PDE1A: variants seen among roughly 807,000 people sequenced by gnomAD.
PDE1A encodes phosphodiesterase 1A.
PDE1A carries 35 observed loss-of-function variants against 61.7 expected under a neutral mutation model. The observed-to-expected ratio is 0.57, with a 90% CI of 0.43 to 0.75. PDE1A has a LOEUF of 0.75. Among genes scored for constraint, PDE1A ranks in the 30% least tolerant of loss-of-function variants. The probability of loss-of-function intolerance (pLI) is 0.00; values close to 1 mark genes in which losing one functional copy is unlikely to be tolerated. For missense variants in PDE1A, 597 were observed against 630.6 expected, an observed-to-expected ratio of 0.95 and a Z score of 0.57; for synonymous variants, 232 against 213.2, an observed-to-expected ratio of 1.09 and a Z score of -0.77.
chr2:182,700,213 C>T, the PDE1A span, among the ~76,000 whole-genome samples: 2 of 152,144 alleles, frequency 1.3e-5, no homozygotes, highest in Non-Finnish European at 2.9e-5. Flanking sequence ...GAACATCTTA[C>T]TCTAGTGGCT....
rs560473237 is a variant in PDE1A, at chr2:182,380,678, G to A, written c.53+45900C>T. Among the ~76,000 whole-genome samples, 30 of 152,204 alleles carry A rather than the reference G, an allele frequency of 2.0e-4. No individual in the cohort carries two copies. The South Asian group carries it at 6.0e-3, about 30-fold the overall frequency. On this transcript the variant is annotated intron_variant, in intron 1 of 13. Transcript: ENST00000351439. Reference sequence around the variant, plus strand: ...AACTGTTTGTTTTCAATGAACATTTGTAGAATTTTTAATTGCGAAAATTAT... The same window carrying A: ...AACTGTTTGTTTTCAATGAACATTTATAGAATTTTTAATTGCGAAAATTAT...
chr2:182,599,881 G>A, the PDE1A span, among the ~76,000 whole-genome samples: 1 of 152,084 alleles, frequency 6.6e-6, no homozygotes, highest in Non-Finnish European at 1.5e-5. Flanking sequence ...ATAATTACAT[G>A]TACCAGATCT....
chr2:182,679,187 TA>T, the PDE1A span, among the ~76,000 whole-genome samples: 15 of 144,232 alleles, frequency 1.0e-4, no homozygotes, highest in East Asian at 1.4e-3. Context: ...TTATTATTAT[TA>T]TTATTTTTTT....
chr2:182,234,454 G>A (rs747745891), exon 4 of PDE1A: 2 of 1,606,800 alleles, frequency 1.2e-6, no homozygotes, highest in Non-Finnish European at 1.7e-6. Flanking sequence ...GATGACAGCT[G>A]CTGGATATGC....
chr2:182,521,968 G>T (rs1173220713), intron 2 of PDE1A, among the ~76,000 whole-genome samples: 1 of 151,952 alleles, frequency 6.6e-6, no homozygotes, highest in African/African-American at 2.4e-5. Context: ...CCCGGCAAAT[G>T]GCTTTCTTAG....
At chr2:182,594,873 T>A in the PDE1A span, among the ~76,000 whole-genome samples, 2 of 152,210 alleles carry the variant, frequency 1.3e-5, no homozygotes, top group African/African-American at 4.8e-5. Context: ...TGCTCCTTAT[T>A]AGTTTCTGGA....
At chr2:182,329,145 T>C (rs1478909194) in intron 1 of PDE1A, among the ~76,000 whole-genome samples, 2 of 152,168 alleles carry the variant, frequency 1.3e-5, no homozygotes, top group Non-Finnish European at 2.9e-5. Context: ...TGGCTGTCTT[T>C]ACCAGTAGGC....
chr2:182,253,136 TG>T (rs1691522897), intron 2 of PDE1A, among the ~76,000 whole-genome samples: 1 of 152,176 alleles, frequency 6.6e-6, no homozygotes, highest in African/African-American at 2.4e-5. Context: ...ATCAAACATT[TG>T]CATTAGGATT....
At chr2:182,619,515 G>T in the PDE1A span, among the ~76,000 whole-genome samples, 9 of 151,906 alleles carry the variant, frequency 5.9e-5, no homozygotes, top group Admixed American at 3.3e-4. Flanking sequence ...AGCCACTCAC[G>T]GAGTGAGTGC....
chr2:182,265,108 G>A (rs1333437492), intron 1 of PDE1A, among the ~76,000 whole-genome samples: 1 of 151,356 alleles, frequency 6.6e-6, no homozygotes, highest in Non-Finnish European at 1.5e-5. Context: ...ACTCACAGAG[G>A]AAGAGTGGGA....
At chr2:182,628,909 G>A in the PDE1A span, among the ~76,000 whole-genome samples, 1 of 152,168 alleles carries the variant, frequency 6.6e-6, no homozygotes. Flanking sequence ...TATGGCAAAA[G>A]TGATGGTATG....
At chr2:182,522,243 TG>T (rs1559539729) in intron 2 of PDE1A, 1 of 1,561,286 alleles carries the variant, frequency 6.4e-7, no homozygotes. Flanking sequence ...TCAAATCTTT[TG>T]GGGGGAAATA....
intron 13 of PDE1A, among the ~76,000 whole-genome samples, chr2:182,154,067 T>C (rs1469147854): frequency 6.6e-6 from 1 of 152,226 alleles, no homozygotes; most frequent in East Asian, 1.9e-4. Context: ...AAATAATCTG[T>C]AAAATGATGC....
chr2:182,674,819 T>C, the PDE1A span, among the ~76,000 whole-genome samples: 7 of 152,168 alleles, frequency 4.6e-5, no homozygotes, highest in African/African-American at 1.7e-4. Flanking sequence ...GTTTCAATTA[T>C]TTTATTAATG....
intron 7 of PDE1A, among the ~76,000 whole-genome samples, chr2:182,217,603 G>A (rs1217767007): frequency 1.4e-5 from 2 of 146,234 alleles, no homozygotes; most frequent in East Asian, 4.0e-4. Context: ...CAAAAAGTGG[G>A]CAAAGGACAT....
chr2:182,675,193 T>C, the PDE1A span, among the ~76,000 whole-genome samples: 1 of 152,194 alleles, frequency 6.6e-6, no homozygotes, highest in East Asian at 1.9e-4. Flanking sequence ...CACTTATAAG[T>C]GAGAACATGA....
At chr2:182,675,335 A>C in the PDE1A span, among the ~76,000 whole-genome samples, 1 of 152,064 alleles carries the variant, frequency 6.6e-6, no homozygotes, top group Non-Finnish European at 1.5e-5. Context: ...TATTTACCAC[A>C]TTTTCTTTAT....
At chr2:182,499,240 G>C (rs1474945126) in intron 2 of PDE1A, among the ~76,000 whole-genome samples, 1 of 135,416 alleles carries the variant, frequency 7.4e-6, no homozygotes. Context: ...GCAGTGGCGC[G>C]ATCTCGGCTC....
At chr2:182,294,063 T>C (rs1235097757) in intron 1 of PDE1A, among the ~76,000 whole-genome samples, 1 of 152,218 alleles carries the variant, frequency 6.6e-6, no homozygotes, top group Non-Finnish European at 1.5e-5. Context: ...AATTTATGTC[T>C]CTGGCAGGAC....
Sources: allele counts gnomAD v4.1 joint callset (sites outside exome capture counted in the v4.1 genomes callset), GRCh38; gene constraint gnomAD v4.1.1; transcripts MANE v1.5; gene names NCBI Gene and HGNC (gene_info 2026-07-23, HGNC 2026-07-21).